The following PPARA variants were observed in gnomAD, a reference collection of about 807,000 sequenced individuals.
The protein encoded by PPARA is peroxisome proliferator-activated receptor alpha.
In PPARA, 22 loss-of-function variants were observed where a neutral mutation model predicts 42.2. That is an observed-to-expected ratio of 0.52 (90% CI 0.37 to 0.74). The LOEUF (loss-of-function observed/expected upper bound fraction) is 0.74, where lower values mean the gene tolerates loss of function less well. Ranked by LOEUF, PPARA falls within the 30% of genes least tolerant of loss-of-function variation. PPARA has a pLI of 0.00. For missense variants in PPARA, 465 were observed against 608.2 expected, an observed-to-expected ratio of 0.76 and a Z score of 2.48; for synonymous variants, 242 against 239.3, an observed-to-expected ratio of 1.01 and a Z score of -0.10.
rs904294819 is a variant in PPARA at position 46,215,204 on chromosome 22, G to A, written c.240G>A (p.Ser80=). 4 of 1,613,874 alleles carry A rather than the reference G, an allele frequency of 2.5e-6. No individual in the cohort carries two copies. The African/African-American group carries it at 4.0e-5, about 16-fold the overall frequency. Residue 80 remains serine (S), a synonymous_variant, in exon 5 of 9, where the codon TCG becomes TCA. Transcript: ENST00000407236. ...TTTCACCAGCTTCGAGCCCCTCCTCGGTGACTTATCCTGTGGTCCCCGGCA... is the reference window on the plus strand; with the variant it reads ...TTTCACCAGCTTCGAGCCCCTCCTCAGTGACTTATCCTGTGGTCCCCGGCA... ...DTLSPASSPS[S]VTYPVVPGSV...
Position 46,190,675 on chromosome 22 carries a change from G to A in PPARA, c.-42-7667G>A, listed in dbSNP as rs551565880. On this transcript the variant is annotated intron_variant, in intron 3 of 8. Transcript: ENST00000407236. This position sits in a 1 kb window ranked among gnomAD's most constrained non-coding sequence, Gnocchi z 5.6. ...TGAGGTGAGAGGATCACCTGGGCCC[G>A]GGAGATCAAGGCTGCGGTGAGCCAT... Among the ~76,000 whole-genome samples, 11 of 152,234 alleles carry A rather than the reference G, an allele frequency of 7.2e-5. No homozygotes were observed. Among genetic ancestry groups the A allele is most frequent in the Non-Finnish European group, 1.0e-4 (7 of 68,020 alleles).
rs1307864393 is a variant in PPARA, at chr22:46,161,552, C to T, written c.-127+9582C>T. On this transcript the variant is annotated intron_variant, in intron 2 of 8. Transcript: ENST00000407236. This position sits in a 1 kb window ranked among gnomAD's most constrained non-coding sequence, Gnocchi z 4.8. ...AGTGAACCAAGATTGTGCCACTGCA[C>T]TCCAGCCTGGCAACAGCGAGACTCC... Among the ~76,000 whole-genome samples the T allele has an allele frequency of 6.6e-6, 1 of 152,078 alleles. No individual in the cohort carries two copies. Among genetic ancestry groups the T allele is most frequent in the African/African-American group, 2.4e-5 (1 of 41,394 alleles).
chr22:46,221,735 C>T lies in PPARA; in HGVS notation c.711+1721C>T, dbSNP rs1281409261. 6.6e-6 allele frequency among the ~76,000 whole-genome samples: 1 copy of T among 151,440 alleles called. No homozygotes were observed. Among genetic ancestry groups the T allele is most frequent in the Non-Finnish European group, 1.5e-5 (1 of 67,820 alleles). On this transcript the variant is annotated intron_variant, in intron 7 of 8. Transcript: ENST00000407236. The surrounding 1 kb of genome is among the most constrained non-coding windows in gnomAD (Gnocchi z 5.9). ...AATGGCGTGAACCCAGGAGGCAGAG[C>T]TTGCAGTGAGCCGAGATCGTGCCAC...
rs929551541 is a variant in PPARA, at chr22:46,165,715, A to G, written c.-126-11038A>G. Among the ~76,000 whole-genome samples, 4 of 152,348 alleles carry G rather than the reference A, an allele frequency of 2.6e-5. No individual in the cohort carries two copies. The East Asian group carries it at 7.7e-4, about 29-fold the overall frequency. On this transcript the variant is annotated intron_variant, in intron 2 of 8. Coordinates refer to ENST00000407236, the MANE Select transcript of PPARA (RefSeq NM_005036.6). This position sits in a 1 kb window ranked among gnomAD's most constrained non-coding sequence, Gnocchi z 5.5. ...TACGCCCAGTCCTTGAGACTGGATT[A>G]AGGTGATCTCAGATTGCAAGGACCT... is the stretch of plus-strand genomic sequence containing the variant.
intron 7 of PPARA, among the ~76,000 whole-genome samples, chr22:46,226,848 A>T (rs1935499031): frequency 6.6e-6 from 1 of 152,140 alleles, no homozygotes; most frequent in African/African-American, 2.4e-5. Flanking sequence ...GTGACACAGC[A>T]AGACCCCGTC....
intron 4 of PPARA, among the ~76,000 whole-genome samples, chr22:46,208,627 G>A (rs537118942): frequency 1.3e-5 from 2 of 151,602 alleles, no homozygotes; most frequent in East Asian, 3.9e-4. Flanking sequence ...TCACCATAGT[G>A]GGTAGTAGAT....
At position 46,174,039 on chromosome 22, in the gene PPARA, G is replaced by A. The variant is rs544334364; in HGVS notation, c.-126-2714G>A. Among the ~76,000 whole-genome samples, 36 of 86,474 alleles carry A rather than the reference G, an allele frequency of 4.2e-4. No individual in the cohort carries two copies. The South Asian group carries it at 8.6e-3, about 21-fold the overall frequency. The allele number at this position is 86,474 out of a possible 152,430, so 56.7% of individuals were successfully genotyped here. On this transcript the variant is annotated intron_variant, in intron 2 of 8. Transcript: ENST00000407236. ...CTAAAATACAAAGAATTAGCTGGGCGTGGTGGTGCACGTCTGTAGTCCCAG... is the reference window on the plus strand; with the variant it reads ...CTAAAATACAAAGAATTAGCTGGGCATGGTGGTGCACGTCTGTAGTCCCAG...
chr22:46,170,540 C>T (rs1003065056), intron 2 of PPARA, among the ~76,000 whole-genome samples: 22 of 150,694 alleles, frequency 1.5e-4, no homozygotes, highest in Non-Finnish European at 3.1e-4. Flanking sequence ...TGAGCCACTG[C>T]ACCGGTCCTG....
intron 2 of PPARA, chr22:46,155,011 A>AC (rs1925058171): frequency 6.9e-6 from 1 of 145,778 alleles, no homozygotes; most frequent in Non-Finnish European, 1.5e-5. Flanking sequence ...AAAAAAAAAA[A>AC]AAAAAAAAAA....
chr22:46,154,631 T>C (rs1924975304), intron 2 of PPARA, among the ~76,000 whole-genome samples: 1 of 151,898 alleles, frequency 6.6e-6, no homozygotes, highest in South Asian at 2.1e-4. Flanking sequence ...AATAAATAAA[T>C]ATTTATGTAA....
At chr22:46,220,177 T>C (rs1934887251) in intron 7 of PPARA, 163 bp downstream of exon 7, 2 of 854,528 alleles carry the variant, frequency 2.3e-6, no homozygotes, top group African/African-American at 3.3e-5. Context: ...CTCTGAGCTG[T>C]AGCTTAACAA....
rs1931190207 is a variant in PPARA at position 46,188,983 on chromosome 22, G to T, written c.-42-9359G>T. Among the ~76,000 whole-genome samples the T allele has an allele frequency of 6.6e-6, 1 of 152,204 alleles. No homozygotes were observed. On this transcript the variant is annotated intron_variant, in intron 3 of 8. Coordinates refer to ENST00000407236, the MANE Select transcript of PPARA (RefSeq NM_005036.6). The surrounding 1 kb of genome is among the most constrained non-coding windows in gnomAD (Gnocchi z 5.0). ...GTTTTGTAACTGGCCAGGCCACTGCGCCCAGGCTGCTTCCTCGTCATCTGG... is the reference window on the plus strand; with the variant it reads ...GTTTTGTAACTGGCCAGGCCACTGCTCCCAGGCTGCTTCCTCGTCATCTGG...
chr22:46,228,892 C>T (rs1935665284), intron 7 of PPARA, among the ~76,000 whole-genome samples: 1 of 151,920 alleles, frequency 6.6e-6, no homozygotes, highest in South Asian at 2.1e-4. Context: ...ATCACGAGGT[C>T]AGGAGATCGA....
In PPARA at chr22:46,238,464, A is replaced by C. The variant is rs1936278793; in HGVS notation, c.*3084A>C. 6.6e-6 allele frequency: 1 copy of C among 152,244 alleles called. No homozygotes were observed. The highest frequency in any genetic ancestry group is 6.5e-5 in the Admixed American group (1 of 15,282). 9.4% of individuals were successfully genotyped at this position (152,244 alleles called of 1,614,324 possible). On this transcript the variant is annotated 3_prime_UTR_variant, in exon 9 of 9. Transcript: ENST00000407236. This position sits in a 1 kb window ranked among gnomAD's most constrained non-coding sequence, Gnocchi z 8.3. The stretch of plus-strand genomic sequence containing the variant: ...ACAGATTCCAGGAGTGTCGGAGCAC[A>C]TGTGTGGCACCCGCTCCCTCTGGCA...
At chr22:46,214,495 CG>C (rs1934257802) in intron 4 of PPARA, among the ~76,000 whole-genome samples, 1 of 126,006 alleles carries the variant, frequency 7.9e-6, no homozygotes, top group Admixed American at 9.0e-5. Context: ...CGGAGATGCG[CG>C]GGTCCGGAAA....
rs1312473851 is a variant in PPARA, at chr22:46,191,356, G to A, written c.-42-6986G>A. Among the ~76,000 whole-genome samples the A allele has an allele frequency of 2.6e-5, 4 of 152,118 alleles. No individual in the cohort carries two copies. Among genetic ancestry groups the A allele is most frequent in the Non-Finnish European group, 4.4e-5 (3 of 68,014 alleles). On this transcript the variant is annotated intron_variant, in intron 3 of 8. Coordinates refer to ENST00000407236, the MANE Select transcript of PPARA (RefSeq NM_005036.6). The surrounding 1 kb of genome is among the most constrained non-coding windows in gnomAD (Gnocchi z 4.6). ...GGTCTCCTTTTATTCCAAGCAAGTG[G>A]CAAAACTACTTTACTCTTAATACAA...
intron 6 of PPARA, 23 bp downstream of exon 6, chr22:46,218,424 T>G: frequency 6.2e-7 from 1 of 1,613,754 alleles, no homozygotes; most frequent in Non-Finnish European, 8.5e-7. Flanking sequence ...GCCCTGCACA[T>G]TTTCCCAGTT....
rs1928453398 is a variant in PPARA at position 46,173,767 on chromosome 22, A to G, written c.-126-2986A>G. On this transcript the variant is annotated intron_variant, in intron 2 of 8. Coordinates refer to ENST00000407236, the MANE Select transcript of PPARA (RefSeq NM_005036.6). This position sits in a 1 kb window ranked among gnomAD's most constrained non-coding sequence, Gnocchi z 4.3. The stretch of plus-strand genomic sequence containing the variant: ...GAACTGTATCTGTTAAATTAACAGA[A>G]GCGAAGTGTTCTGTGGTGTGTAGGA... 6.6e-6 allele frequency among the ~76,000 whole-genome samples: 1 copy of G among 152,230 alleles called. No individual in the cohort carries two copies. Among genetic ancestry groups the G allele is most frequent in the Non-Finnish European group, 1.5e-5 (1 of 68,040 alleles).
chr22:46,201,916 C>A (rs188167710), intron 4 of PPARA, among the ~76,000 whole-genome samples: 14 of 152,202 alleles, frequency 9.2e-5, no homozygotes, highest in Non-Finnish European at 1.2e-4. Context: ...TTTTGTTTTT[C>A]TTTTTTGCCT....
Sources: allele counts gnomAD v4.1 joint callset (sites outside exome capture counted in the v4.1 genomes callset), GRCh38; gene constraint gnomAD v4.1.1; non-coding constraint Gnocchi (gnomAD v3.1); transcripts MANE v1.5; gene names NCBI Gene and HGNC (gene_info 2026-07-23, HGNC 2026-07-21).